The following CNTNAP2 variants were observed in gnomAD, a reference collection of about 807,000 sequenced individuals.
CNTNAP2 encodes the protein contactin associated protein 2.
A neutral mutation model predicts 155.2 loss-of-function variants in CNTNAP2; 98 were observed. The observed-to-expected ratio is 0.63, with a 90% CI of 0.54 to 0.75. CNTNAP2 has a LOEUF of 0.75. Among genes scored for constraint, CNTNAP2 ranks in the 30% least tolerant of loss-of-function variants. The pLI is 0.00. For synonymous variants in CNTNAP2, 651 were observed against 631.2 expected, an observed-to-expected ratio of 1.03 and a Z score of -0.47; for missense variants, 1,727 against 1,688.1, an observed-to-expected ratio of 1.02 and a Z score of -0.40.
intron 12 of CNTNAP2, among the ~76,000 whole-genome samples, chr7:147,626,193 C>A (rs1242132758): frequency 6.6e-6 from 1 of 151,940 alleles, no homozygotes; most frequent in African/African-American, 2.4e-5. Flanking sequence ...GGAGTGGCTG[C>A]AGATTCGAGC....
intron 11 of CNTNAP2, among the ~76,000 whole-genome samples, chr7:147,561,484 G>T (rs1800063368): frequency 6.6e-6 from 1 of 152,076 alleles, no homozygotes; most frequent in African/African-American, 2.4e-5. Flanking sequence ...ATGAGCACTG[G>T]AATAAAAAGG....
In CNTNAP2 at chr7:146,917,634, TC is replaced by T. The variant is rs550182178; in HGVS notation, c.402+77733del. 9.3e-4 allele frequency among the ~76,000 whole-genome samples: 142 copies of T among 152,266 alleles called. 1 individual carries two copies. Among genetic ancestry groups the T allele is most frequent in the African/African-American group, 3.2e-3 (134 of 41,556 alleles). On this transcript the variant is annotated intron_variant, in intron 3 of 23. Coordinates refer to ENST00000361727, the MANE Select transcript of CNTNAP2 (RefSeq NM_014141.6). ...CATCTTGAATTGTAGCTCGCACAAT[TC>T]CCACATGTTGTGGGAGGGACCCAGT... is the stretch of plus-strand genomic sequence containing the variant.
At chr7:147,928,139 T>C (rs1167517351) in intron 14 of CNTNAP2, among the ~76,000 whole-genome samples, 1 of 152,196 alleles carries the variant, frequency 6.6e-6, no homozygotes, top group East Asian at 1.9e-4. Context: ...ATGTAAGATG[T>C]GCCTTTCACC....
intron 1 of CNTNAP2, among the ~76,000 whole-genome samples, chr7:146,604,871 C>G (rs920602110): frequency 2.7e-4 from 37 of 137,882 alleles, no homozygotes; most frequent in Non-Finnish European, 4.5e-4. Context: ...GGGAATTGAA[C>G]AATGAGATCA....
intron 8 of CNTNAP2, among the ~76,000 whole-genome samples, chr7:147,260,763 ATGGACTCACC>A (rs1367829541): frequency 6.6e-6 from 1 of 152,202 alleles, no homozygotes. Context: ...GGTGTAACCA[ATGGACTCACC>A]TGTGTGAAAG....
At chr7:147,167,758 C>T (rs1241482964) in intron 8 of CNTNAP2, among the ~76,000 whole-genome samples, 1 of 151,936 alleles carries the variant, frequency 6.6e-6, no homozygotes, top group Non-Finnish European at 1.5e-5. Context: ...TTGAAAAATA[C>T]CTTCATTGTT....
At chr7:146,332,630 C>T (rs1036938167) in intron 1 of CNTNAP2, among the ~76,000 whole-genome samples, 6 of 152,144 alleles carry the variant, frequency 3.9e-5, no homozygotes, top group Non-Finnish European at 2.9e-5. Flanking sequence ...AAAGCTATAT[C>T]TATGAAAGTC....
chr7:147,967,413 C>T (rs905786038), intron 14 of CNTNAP2, among the ~76,000 whole-genome samples: 3 of 152,078 alleles, frequency 2.0e-5, no homozygotes, highest in Middle Eastern at 3.2e-3. Context: ...TGGTTGAATA[C>T]CTTAGTCTAG....
At chr7:146,837,906 G>T (rs140681524) in intron 2 of CNTNAP2, among the ~76,000 whole-genome samples, 1 of 152,204 alleles carries the variant, frequency 6.6e-6, no homozygotes, top group African/African-American at 2.4e-5. Flanking sequence ...TCCCAGCTCT[G>T]TGCAACCTCT....
intron 13 of CNTNAP2, among the ~76,000 whole-genome samples, chr7:147,775,086 G>A (rs1440859296): frequency 1.3e-5 from 2 of 150,208 alleles, no homozygotes; most frequent in Non-Finnish European, 2.9e-5. Context: ...GCTGTAGCAG[G>A]CATTTTGCTA....
chr7:147,217,954 A>G (rs1001848047), intron 8 of CNTNAP2, among the ~76,000 whole-genome samples: 8 of 151,972 alleles, frequency 5.3e-5, no homozygotes, highest in Non-Finnish European at 1.2e-4. Context: ...AATATTCGTT[A>G]TCTTTTAAAT....
intron 1 of CNTNAP2, among the ~76,000 whole-genome samples, chr7:146,235,322 A>T (rs557451787): frequency 6.6e-6 from 1 of 151,534 alleles, no homozygotes; most frequent in Admixed American, 6.6e-5. Flanking sequence ...AGTGCCTGAA[A>T]ATAGATGCAA....
At chr7:147,105,992 G>C (rs1800757499) in intron 4 of CNTNAP2, among the ~76,000 whole-genome samples, 1 of 151,958 alleles carries the variant, frequency 6.6e-6, no homozygotes, top group Non-Finnish European at 1.5e-5. Context: ...CTAAAAGTAA[G>C]ACAGGAATGC....
At chr7:147,093,240 CAAAAAA>C (rs530286124) in intron 4 of CNTNAP2, among the ~76,000 whole-genome samples, 8 of 54,354 alleles carry the variant, frequency 1.5e-4, no homozygotes, top group Admixed American at 4.1e-4. Context: ...GACTCCATCT[CAAAAAA>C]AAAAAAAAAA....
chr7:146,312,660 A>G (rs1200146545), intron 1 of CNTNAP2, among the ~76,000 whole-genome samples: 1 of 152,152 alleles, frequency 6.6e-6, no homozygotes, highest in Non-Finnish European at 1.5e-5. Context: ...TTACATCACT[A>G]AAGTTCATTC....
intron 1 of CNTNAP2, among the ~76,000 whole-genome samples, chr7:146,298,303 G>C (rs1563026545): frequency 6.6e-6 from 1 of 152,154 alleles, no homozygotes. Context: ...CACAGTGCTT[G>C]GAGTGACAGG....
intron 21 of CNTNAP2, among the ~76,000 whole-genome samples, chr7:148,370,961 G>A (rs556956565): frequency 6.6e-6 from 1 of 152,172 alleles, no homozygotes; most frequent in South Asian, 2.1e-4. Context: ...TCTCAAGCAT[G>A]GTGCCATCCT....
At chr7:147,223,577 C>T (rs904040036) in intron 8 of CNTNAP2, among the ~76,000 whole-genome samples, 2 of 152,152 alleles carry the variant, frequency 1.3e-5, no homozygotes, top group Non-Finnish European at 2.9e-5. Flanking sequence ...GGAACAGGAA[C>T]GCAGTGTGGG....
intron 3 of CNTNAP2, among the ~76,000 whole-genome samples, chr7:146,842,993 A>ATTTTTTTTTTT (rs1257696854): frequency 4.1e-5 from 1 of 24,210 alleles, no homozygotes; most frequent in Non-Finnish European, 7.7e-5. Context: ...CCTGTCCCAC[A>ATTTTTTTTTTT]CTTTTTTTTT....
Sources: gnomAD v4.1 joint callset for allele counts (sites outside exome capture counted in the v4.1 genomes callset) on GRCh38, gnomAD v4.1.1 for gene constraint, MANE v1.5 for transcripts, NCBI Gene and HGNC (gene_info 2026-07-23, HGNC 2026-07-21) for gene names.